The following STK3 variants were observed in gnomAD, a reference collection of about 807,000 sequenced individuals.
The protein encoded by STK3 is serine/threonine kinase 3, also known as serine/threonine-protein kinase 3.
In STK3, 41 loss-of-function variants were observed where a neutral mutation model predicts 58.0. The observed-to-expected ratio is 0.71, with a 90% CI of 0.55 to 0.92. STK3 has a LOEUF of 0.92. Among genes scored for constraint, STK3 ranks in the 40% least tolerant of loss-of-function variants. The pLI is 0.00. For synonymous variants in STK3, 170 were observed against 191.0 expected (o/e 0.89, Z 0.91); for missense variants, 479 against 602.7 (o/e 0.79, Z 2.15).
intron 9 of STK3, among the ~76,000 whole-genome samples, chr8:98,540,376 C>T (rs1810142274): frequency 6.6e-6 from 1 of 152,236 alleles, no homozygotes; most frequent in South Asian, 2.1e-4. Context: ...TGTTACAATA[C>T]ATACTTGTGA....
rs186650810 is a variant in STK3 at position 98,752,393 on chromosome 8, T to A, written c.237-3003A>T. 2.4e-3 allele frequency among the ~76,000 whole-genome samples: 362 copies of A among 152,358 alleles called. 3 individuals carry two copies. Among genetic ancestry groups the A allele is most frequent in the South Asian group, 4.6e-3 (22 of 4,828 alleles). ...AATAAATGGTGCTGGGATAACCAGCTAGCCATATGCGGAAGATTGAAACTG... is the reference window on the plus strand; with the variant it reads ...AATAAATGGTGCTGGGATAACCAGCAAGCCATATGCGGAAGATTGAAACTG... On this transcript the variant is annotated intron_variant, in intron 3 of 10. Transcript: ENST00000419617.
At chr8:98,729,924 C>T (rs934957981) in intron 4 of STK3, among the ~76,000 whole-genome samples, 5 of 152,216 alleles carry the variant, frequency 3.3e-5, no homozygotes, top group Admixed American at 1.3e-4. Context: ...TTCCATATCA[C>T]TACTTAACCT....
rs1399839203 is a variant in STK3 at position 98,423,792 on chromosome 8, G to A, written n.483+10335C>T. Among the ~76,000 whole-genome samples the A allele has an allele frequency of 3.3e-5, 5 of 152,244 alleles. No homozygotes were observed. In the East Asian group the frequency reaches 9.6e-4, roughly 29 times the overall value. On this transcript the variant is annotated intron_variant and non_coding_transcript_variant, in intron 3 of 3. Transcript: ENST00000517832. ...CCCCTCGCCTGTCAGGGGGAGAAAA[G>A]CTGAGTCTGAGATGTGTGGGCTCAG...
At chr8:98,858,344 A>G (rs1373276871) in intron 3 of STK3, among the ~76,000 whole-genome samples, 1 of 134,776 alleles carries the variant, frequency 7.4e-6, no homozygotes, top group Non-Finnish European at 1.6e-5. Flanking sequence ...AGAGAGAGAG[A>G]GAGAGAGAGA....
intron 1 of STK3, among the ~76,000 whole-genome samples, chr8:98,793,991 G>A (rs1832969108): frequency 6.6e-6 from 1 of 152,056 alleles, no homozygotes; most frequent in Non-Finnish European, 1.5e-5. Context: ...AAAGTTCTTT[G>A]AAATAAATGA....
In STK3 at chr8:98,903,553, C is replaced by CTTT. The variant is rs1564093666; in HGVS notation, c.-78-19720_-78-19719insAAA. On this transcript the variant is annotated intron_variant, in intron 1 of 1. Transcript: ENST00000519420. ...TCTTCTTCTTCTTCTTCTTCTTCTT[C>CTTT]TTCCTTTTTTTTTTTTTAAGTGGGG... Among the ~76,000 whole-genome samples, 5 of 15,350 alleles carry CTTT rather than the reference C, an allele frequency of 3.3e-4. 1 individual carries two copies. The East Asian group carries it at 0.018, about 54-fold the overall frequency. 10.1% of individuals were successfully genotyped at this position (15,350 alleles called of 152,430 possible).
chr8:98,547,389 G>A (rs571780982), intron 9 of STK3, among the ~76,000 whole-genome samples: 2 of 152,320 alleles, frequency 1.3e-5, no homozygotes, highest in African/African-American at 4.8e-5. Flanking sequence ...AAGCAACAGA[G>A]GTCAGAGAGA....
chr8:98,795,199 C>T (rs1450572844), intron 1 of STK3, among the ~76,000 whole-genome samples: 1 of 145,926 alleles, frequency 6.9e-6, no homozygotes, highest in Non-Finnish European at 1.5e-5. Flanking sequence ...AGTTTCATTC[C>T]TGGGATGCAA....
Position 98,767,353 on chromosome 8 carries a change from A to G in STK3, c.126T>C (p.Phe42=), listed in dbSNP as rs1831013731. The stretch of plus-strand genomic sequence containing the variant: ...GACCGGATTCCTTGTGTATTGCTTT[A>G]AATACACTTCCATAAGACCTAAAAG... ...KLGEGSYGSV[F]KAIHKESGQV... is the part of the protein sequence containing the mutation. Residue 42 remains phenylalanine (F), a synonymous_variant, in exon 3 of 11, where the codon TTT becomes TTC. Coordinates refer to ENST00000419617, the MANE Select transcript of STK3 (RefSeq NM_006281.4). 6.2e-7 allele frequency: 1 copy of G among 1,606,426 alleles called. No homozygotes were observed. Among genetic ancestry groups the G allele is most frequent in the African/African-American group, 1.3e-5 (1 of 74,516 alleles).
At chr8:98,939,080 G>A (rs557104345) in intron 1 of STK3, among the ~76,000 whole-genome samples, 2 of 152,136 alleles carry the variant, frequency 1.3e-5, no homozygotes, top group Non-Finnish European at 2.9e-5. Context: ...TCCTAAGCTC[G>A]TTTCCAAGTA....
intron 6 of STK3, among the ~76,000 whole-genome samples, chr8:98,653,157 T>G (rs1424404787): frequency 2.0e-5 from 3 of 152,068 alleles, no homozygotes; most frequent in Non-Finnish European, 4.4e-5. Flanking sequence ...GCAATCAAAC[T>G]AGAACTCAGG....
In STK3 at chr8:98,591,014, T is replaced by C. The variant is rs1586953537; in HGVS notation, c.822+5018A>G. 2.6e-5 allele frequency among the ~76,000 whole-genome samples: 4 copies of C among 152,332 alleles called. No individual in the cohort carries two copies. In the South Asian group the frequency reaches 6.2e-4, roughly 24 times the overall value. ...ATTTTACCACCTGCTAATCTTAAAA[T>C]GCCTTTAAAAATATACAGATAGTCC... On this transcript the variant is annotated intron_variant, in intron 7 of 10. Coordinates refer to ENST00000419617, the MANE Select transcript of STK3 (RefSeq NM_006281.4).
rs540514162 is a variant in STK3 at position 98,735,380 on chromosome 8, T to C, written c.351+13896A>G. ...TATATAGGATACCATGACTGGGTTA[T>C]CTACAAAGAAGTTTCATCAAACTTA... On this transcript the variant is annotated intron_variant, in intron 4 of 10. Transcript: ENST00000419617. Among the ~76,000 whole-genome samples the C allele has an allele frequency of 7.9e-5, 12 of 152,304 alleles. No homozygotes were observed. The South Asian group carries it at 2.3e-3, about 29-fold the overall frequency.
intron 10 of STK3, among the ~76,000 whole-genome samples, chr8:98,521,861 T>A (rs762596034): frequency 6.6e-6 from 1 of 152,158 alleles, no homozygotes; most frequent in Non-Finnish European, 1.5e-5. Context: ...ACATTATAAT[T>A]TCATATACAA....
chr8:98,461,239 C>T (rs915535902), intron 10 of STK3, among the ~76,000 whole-genome samples: 1 of 151,876 alleles, frequency 6.6e-6, no homozygotes, highest in Non-Finnish European at 1.5e-5. Context: ...TACATAATGT[C>T]ATTCTTTGTC....
intron 6 of STK3, among the ~76,000 whole-genome samples, chr8:98,684,178 A>C (rs1823820726): frequency 6.6e-6 from 1 of 152,192 alleles, no homozygotes; most frequent in South Asian, 2.1e-4. Flanking sequence ...GATAAAATGT[A>C]TCACAGTCCT....
intron 9 of STK3, among the ~76,000 whole-genome samples, chr8:98,537,409 T>C (rs931619360): frequency 7.2e-5 from 11 of 152,140 alleles, no homozygotes; most frequent in Non-Finnish European, 5.9e-5. Context: ...ATGAAACACA[T>C]GCCACAATGC....
intron 6 of STK3, among the ~76,000 whole-genome samples, chr8:98,631,259 A>G (rs12550783): frequency 0.28 from 42,665 of 152,022 alleles, 6,301 homozygotes; most frequent in East Asian, 0.41. Context: ...TCCTCTGCTC[A>G]AAACCCTGCA....
chr8:98,470,501 T>C lies in STK3; in HGVS notation c.1318-14501A>G, dbSNP rs115382432. ...CGTACTCAGTACAAGGCCTTTTAAG[T>C]AGGCCACCCTCACTCTCACAGTTGT... On this transcript the variant is annotated intron_variant, in intron 10 of 10. Transcript: ENST00000419617. 6.4e-3 allele frequency among the ~76,000 whole-genome samples: 978 copies of C among 152,316 alleles called. 13 individuals are homozygous for C. The highest frequency in any genetic ancestry group is 0.022 in the African/African-American group (903 of 41,566).
Sources: gnomAD v4.1 joint callset for allele counts (sites outside exome capture counted in the v4.1 genomes callset) on GRCh38, gnomAD v4.1.1 for gene constraint, MANE v1.5 for transcripts, NCBI Gene and HGNC (gene_info 2026-07-23, HGNC 2026-07-21) for gene names.